Variants in PIERCE2 observed in about 807,000 individuals in gnomAD.
PIERCE2 encodes piercer of microtubule wall 2, also known as piercer of microtubule wall 2 protein.
chr15:55,414,456 C>T, the PIERCE2 span, among the ~76,000 whole-genome samples: 4 of 151,896 alleles, frequency 2.6e-5, no homozygotes, highest in Admixed American at 1.3e-4. Flanking sequence ...GGTGATCCAC[C>T]GCACTCGGCC....
At chr15:55,413,045 G>T in the PIERCE2 span, among the ~76,000 whole-genome samples, 19 of 152,214 alleles carry the variant, frequency 1.2e-4, no homozygotes, top group East Asian at 2.9e-3. Flanking sequence ...AAGGCGGGCG[G>T]ATCACGAGGT....
At chr15:55,418,533 G>A in the PIERCE2 span, 1 of 1,510,162 alleles carries the variant, frequency 6.6e-7, no homozygotes, top group Non-Finnish European at 8.9e-7. Context: ...GACAGAACCA[G>A]AACTCTTGAT....
At chr15:55,409,574 G>C in the PIERCE2 span, among the ~76,000 whole-genome samples, 3 of 152,172 alleles carry the variant, frequency 2.0e-5, no homozygotes, top group Admixed American at 6.6e-5. Flanking sequence ...AGACAAAAGA[G>C]TGCCTCAAAA....
At chr15:55,418,406 G>T in the PIERCE2 span, 1 of 1,532,142 alleles carries the variant, frequency 6.5e-7, no homozygotes, top group Non-Finnish European at 8.8e-7. Flanking sequence ...TCATTATGGT[G>T]AATTTCTACC....
At chr15:55,411,003 T>A in the PIERCE2 span, 14 of 152,228 alleles carry the variant, frequency 9.2e-5, no homozygotes, top group Non-Finnish European at 1.9e-4. Flanking sequence ...ATAACATTGA[T>A]GACACTCAGT....
At chr15:55,412,093 C>CAAAAAAAA in the PIERCE2 span, among the ~76,000 whole-genome samples, 3 of 82,066 alleles carry the variant, frequency 3.7e-5, no homozygotes, top group Non-Finnish European at 6.5e-5. Flanking sequence ...TTTGTCTCCA[C>CAAAAAAAA]AAAAAAAAAA....
the PIERCE2 span, among the ~76,000 whole-genome samples, chr15:55,416,068 T>C: frequency 2.6e-5 from 4 of 152,090 alleles, no homozygotes; most frequent in African/African-American, 9.7e-5. Flanking sequence ...GAGTTTTTCA[T>C]GCAGTTTGTT....
chr15:55,408,985 A>G, the PIERCE2 span, among the ~76,000 whole-genome samples: 1 of 152,170 alleles, frequency 6.6e-6, no homozygotes, highest in South Asian at 2.1e-4. Context: ...AAGACCATCG[A>G]GATTGTATGC....
the PIERCE2 span, among the ~76,000 whole-genome samples, chr15:55,414,513 G>T: frequency 6.6e-6 from 1 of 152,038 alleles, no homozygotes; most frequent in Non-Finnish European, 1.5e-5. Context: ...AAATGCAAAT[G>T]AAATTAAATT....
At chr15:55,418,542 A>C in the PIERCE2 span, 20 of 1,494,068 alleles carry the variant, frequency 1.3e-5, no homozygotes, top group Non-Finnish European at 1.7e-5. Context: ...AGAACTCTTG[A>C]TTTTCCTAAT....
the PIERCE2 span, chr15:55,408,619 C>T: frequency 1.7e-6 from 1 of 586,122 alleles, no homozygotes; most frequent in Admixed American, 3.0e-5. Flanking sequence ...GATAGGTTTA[C>T]ACATACTGAT....
At chr15:55,417,473 T>C in the PIERCE2 span, among the ~76,000 whole-genome samples, 1 of 152,152 alleles carries the variant, frequency 6.6e-6, no homozygotes, top group Non-Finnish European at 1.5e-5. Flanking sequence ...TTCAGTTAGC[T>C]ATGTAATTAG....
the PIERCE2 span, among the ~76,000 whole-genome samples, chr15:55,415,068 G>A: frequency 6.6e-6 from 1 of 152,174 alleles, no homozygotes; most frequent in Non-Finnish European, 1.5e-5. Flanking sequence ...ATGTAAGGTT[G>A]CAGAAGAAAC....
At chr15:55,414,255 G>A in the PIERCE2 span, among the ~76,000 whole-genome samples, 4 of 149,594 alleles carry the variant, frequency 2.7e-5, no homozygotes, top group African/African-American at 4.9e-5. Context: ...TGCCCCGGCT[G>A]GAGTCAGTGA....
the PIERCE2 span, chr15:55,408,685 A>G: frequency 1.2e-6 from 1 of 863,488 alleles, no homozygotes; most frequent in African/African-American, 1.7e-5. Flanking sequence ...TTAAAAGGCC[A>G]CGTCCCTAGG....
chr15:55,413,760 CAAAAAAA>C, the PIERCE2 span, among the ~76,000 whole-genome samples: 11 of 111,478 alleles, frequency 9.9e-5, no homozygotes, highest in Admixed American at 3.4e-4. Flanking sequence ...AACTCCGTTT[CAAAAAAA>C]AAAAAAAAAA....
chr15:55,415,194 G>A, the PIERCE2 span, among the ~76,000 whole-genome samples: 7 of 151,754 alleles, frequency 4.6e-5, no homozygotes, highest in South Asian at 1.0e-3. Context: ...TTGGCCGGGC[G>A]TGGTGGCTCA....
chr15:55,418,422 C>T, the PIERCE2 span: 3 of 1,527,564 alleles, frequency 2.0e-6, no homozygotes, highest in Non-Finnish European at 1.8e-6. Context: ...CTACCTATTC[C>T]ACAGTTTTTC....
At chr15:55,418,395 G>A in the PIERCE2 span, 1 of 1,533,824 alleles carries the variant, frequency 6.5e-7, no homozygotes, top group Non-Finnish European at 8.7e-7. Flanking sequence ...ACCAATTCAA[G>A]TCATTATGGT....
Sources: allele counts gnomAD v4.1 joint callset (sites outside exome capture counted in the v4.1 genomes callset), GRCh38; gene constraint gnomAD v4.1.1; transcripts MANE v1.5; gene names NCBI Gene and HGNC (gene_info 2026-07-23, HGNC 2026-07-21).